The following BIRC6 variants were observed in gnomAD, a reference collection of about 807,000 sequenced individuals.
BIRC6 encodes baculoviral IAP repeat containing 6.
Under a neutral mutation model 503.3 loss-of-function variants are expected in BIRC6, and 98 were observed. The observed-to-expected ratio is 0.19, with a 90% CI of 0.17 to 0.23. The LOEUF (loss-of-function observed/expected upper bound fraction) is 0.23. Among genes scored for constraint, BIRC6 ranks in the 10% least tolerant of loss-of-function variants. The pLI, the probability that BIRC6 is intolerant of heterozygous loss-of-function variation, is 1.00. For missense variants in BIRC6, 5,360 were observed against 5,806.0 expected (o/e 0.92, Z 2.50); for synonymous variants, 2,240 against 2,078.7 (o/e 1.08, Z -2.11).
chr2:32,450,793 C>T (rs1369865483), intron 22 of BIRC6, among the ~76,000 whole-genome samples: 1 of 152,102 alleles, frequency 6.6e-6, no homozygotes, highest in Admixed American at 6.5e-5. Flanking sequence ...TTACACACAT[C>T]CTGCTGTGTG....
chr2:32,398,808 AC>A (rs2040272311), intron 6 of BIRC6, among the ~76,000 whole-genome samples: 1 of 152,120 alleles, frequency 6.6e-6, no homozygotes, highest in African/African-American at 2.4e-5. Context: ...GGGGTAAGGT[AC>A]GCTAGATTTA....
intron 4 of BIRC6, among the ~76,000 whole-genome samples, chr2:32,390,882 T>C (rs1190003504): frequency 1.3e-5 from 2 of 152,224 alleles, no homozygotes; most frequent in African/African-American, 4.8e-5. Flanking sequence ...TAACTTTTAT[T>C]AGTCGTATTA....
At chr2:32,375,097 G>A (rs2036551049) in intron 1 of BIRC6, among the ~76,000 whole-genome samples, 3 of 152,110 alleles carry the variant, frequency 2.0e-5, no homozygotes. Flanking sequence ...ATGTTTTAGA[G>A]CTATTGTAAA....
chr2:32,360,464 C>G (rs1382615303), intron 1 of BIRC6, among the ~76,000 whole-genome samples: 2 of 152,186 alleles, frequency 1.3e-5, no homozygotes, highest in Admixed American at 6.5e-5. Flanking sequence ...GCTGCGTGAT[C>G]TGGCTTTTAC....
chr2:32,586,855 A>C (rs923622538), intron 66 of BIRC6, among the ~76,000 whole-genome samples: 3 of 152,292 alleles, frequency 2.0e-5, no homozygotes, highest in Admixed American at 6.5e-5. Context: ...CGGGTAGTTC[A>C]AATTCCACCT....
intron 59 of BIRC6, chr2:32,529,329 G>C (rs1331861975): frequency 4.6e-6 from 1 of 215,824 alleles, no homozygotes; most frequent in Non-Finnish European, 9.2e-6. Context: ...GAGACTATAT[G>C]GCCCCCCCAG....
intron 65 of BIRC6, among the ~76,000 whole-genome samples, chr2:32,574,160 CTTTT>C (rs1055060322): frequency 6.4e-5 from 8 of 124,680 alleles, no homozygotes; most frequent in Admixed American, 8.4e-5. Flanking sequence ...ATAACTTTTT[CTTTT>C]TTTTTTTTTT....
chr2:32,377,128 A>G (rs2149358776), intron 1 of BIRC6, among the ~76,000 whole-genome samples: 1 of 152,290 alleles, frequency 6.6e-6, no homozygotes, highest in East Asian at 1.9e-4. Flanking sequence ...ATAGAATGTT[A>G]CAAAGAACTT....
intron 66 of BIRC6, among the ~76,000 whole-genome samples, chr2:32,583,235 T>C (rs1244130513): frequency 2.0e-5 from 3 of 152,252 alleles, no homozygotes; most frequent in Admixed American, 2.0e-4. Context: ...GTTTTGAAAG[T>C]TGACAATTCT....
At position 32,401,460 on chromosome 2, in the gene BIRC6, T is replaced by C; in HGVS notation, c.1258-3T>C. On this transcript the variant is annotated splice_polypyrimidine_tract_variant and splice_region_variant and intron_variant, in intron 7 of 73. Transcript: ENST00000421745. ...TGTAAACTTAGGCTTTTCATTTGTT[T>C]AGGTGCACTTAAAGTTTGAAATTAA... 1.2e-6 allele frequency: 2 copies of C among 1,613,718 alleles called. No homozygotes were observed. Among genetic ancestry groups the C allele is most frequent in the South Asian group, 2.2e-5 (2 of 91,052 alleles).
Position 32,415,115 on chromosome 2 carries a change from T to G in BIRC6, c.1824T>G (p.Thr608=). The part of the protein sequence containing the change: ...QGESISEQGS[T]DNESCTNSEL... The stretch of plus-strand genomic sequence containing the variant: ...AAAGTATATCAGAACAAGGGTCAAC[T>G]GACAATGAATCCTGCACTAATTCAG... Residue 608 remains threonine, a synonymous_variant, in exon 10 of 74, where the codon ACT becomes ACG. Coordinates refer to ENST00000421745, the MANE Select transcript of BIRC6 (RefSeq NM_016252.4). 6.2e-7 allele frequency: 1 copy of G among 1,613,958 alleles called. No homozygotes were observed. Among genetic ancestry groups the G allele is most frequent in the Non-Finnish European group, 8.5e-7 (1 of 1,179,872 alleles).
At chr2:32,433,130 T>C (rs1379757832) in intron 12 of BIRC6, among the ~76,000 whole-genome samples, 1 of 152,150 alleles carries the variant, frequency 6.6e-6, no homozygotes, top group Non-Finnish European at 1.5e-5. Context: ...AAAAATGAAG[T>C]TTCTGTTTAC....
At chr2:32,374,094 C>A (rs1405734810) in intron 1 of BIRC6, among the ~76,000 whole-genome samples, 1 of 152,002 alleles carries the variant, frequency 6.6e-6, no homozygotes, top group Admixed American at 6.6e-5. Context: ...ACAGAGTTTC[C>A]CTTTATCCTG....
Position 32,357,156 on chromosome 2 carries a change from C to T in BIRC6, c.-6C>T, listed in dbSNP as rs759359699. ...CTAACGCGCTCGGCTTGCCCCCTGG[C>T]CCCGGATGGTGACTGGTGGTGGTGC... On this transcript the variant is annotated 5_prime_UTR_variant, in exon 1 of 74. Coordinates refer to ENST00000421745, the MANE Select transcript of BIRC6 (RefSeq NM_016252.4). This position sits in a 1 kb window ranked among gnomAD's most constrained non-coding sequence, Gnocchi z 4.9. 8.7e-6 allele frequency: 13 copies of T among 1,500,138 alleles called. No individual in the cohort carries two copies. The highest frequency in any genetic ancestry group is 7.4e-5 in the Admixed American group (3 of 40,278). 92.9% of individuals were successfully genotyped at this position (1,500,138 alleles called of 1,614,324 possible).
In BIRC6 at chr2:32,493,231, A is replaced by G. The variant is rs189889207; in HGVS notation, c.8341-309A>G. On this transcript the variant is annotated intron_variant, in intron 44 of 73. Coordinates refer to ENST00000421745, the MANE Select transcript of BIRC6 (RefSeq NM_016252.4). ...ATGTTGAAGTTATTTATACTCTAAAAAGCATTATAAAAGTATTTATTGTGT... is the reference window on the plus strand; with the variant it reads ...ATGTTGAAGTTATTTATACTCTAAAGAGCATTATAAAAGTATTTATTGTGT... Among the ~76,000 whole-genome samples the G allele has an allele frequency of 4.6e-5, 7 of 152,152 alleles. No individual in the cohort carries two copies. The East Asian group carries it at 1.2e-3, about 25-fold the overall frequency.
At chr2:32,493,504 G>A in intron 44 of BIRC6, 36 bp from the exon 45 acceptor site, 1 of 1,550,506 alleles carries the variant, frequency 6.4e-7, no homozygotes, top group African/African-American at 1.4e-5. Context: ...CATGTTACCA[G>A]TAAGCAGTTT....
intron 26 of BIRC6, among the ~76,000 whole-genome samples, chr2:32,467,074 G>C (rs577068032): frequency 6.7e-6 from 1 of 150,082 alleles, no homozygotes; most frequent in East Asian, 2.0e-4. Context: ...AGCAGAGATC[G>C]CGCCACTGCA....
rs2040662706 is a variant in BIRC6, at chr2:32,402,058, A to G, written c.1418+435A>G. ...TGAATAATAATAATGGGATGACCTG[A>G]GGTGAGGCAAGAGGATCTAATTGTT... On this transcript the variant is annotated intron_variant, in intron 8 of 73. Coordinates refer to ENST00000421745, the MANE Select transcript of BIRC6 (RefSeq NM_016252.4). Among the ~76,000 whole-genome samples the G allele has an allele frequency of 2.0e-5, 3 of 152,220 alleles. No homozygotes were observed. In the East Asian group the frequency reaches 5.8e-4, roughly 29 times the overall value.
intron 65 of BIRC6, among the ~76,000 whole-genome samples, chr2:32,560,246 A>G (rs2059078046): frequency 6.6e-6 from 1 of 152,246 alleles, no homozygotes; most frequent in African/African-American, 2.4e-5. Context: ...ACAGTAATGA[A>G]ATTTAAAGTT....
Sources: gnomAD v4.1 joint callset for allele counts (sites outside exome capture counted in the v4.1 genomes callset) on GRCh38, gnomAD v4.1.1 for gene constraint, Gnocchi (gnomAD v3.1) non-coding constraint, MANE v1.5 for transcripts, NCBI Gene and HGNC (gene_info 2026-07-23, HGNC 2026-07-21) for gene names.